ZBTB7C: variants seen among roughly 807,000 people sequenced by gnomAD.
The protein encoded by ZBTB7C is zinc finger and BTB domain-containing protein 7C.
A neutral mutation model predicts 25.7 loss-of-function variants in ZBTB7C; 8 were observed. That is an observed-to-expected ratio of 0.31 (90% CI 0.18 to 0.56). The LOEUF is 0.56. ZBTB7C is among the 20% of genes least tolerant of loss of function. The pLI is 0.91. For synonymous variants in ZBTB7C, 394 were observed against 369.0 expected (o/e 1.07, Z -0.78); for missense variants, 824 against 855.2 (o/e 0.96, Z 0.46).
At chr18:48,247,967 G>C (rs2043743588) in intron 2 of ZBTB7C, among the ~76,000 whole-genome samples, 1 of 152,160 alleles carries the variant, frequency 6.6e-6, no homozygotes, top group Non-Finnish European at 1.5e-5. Flanking sequence ...ATTGAATCAT[G>C]GGGGTGGTTC....
At chr18:48,083,126 A>C (rs1339391719) in intron 3 of ZBTB7C, among the ~76,000 whole-genome samples, 1 of 152,144 alleles carries the variant, frequency 6.6e-6, no homozygotes, top group Non-Finnish European at 1.5e-5. Context: ...ATTGAATAAT[A>C]CTTACTCTAA....
At position 48,040,609 on chromosome 18, in the gene ZBTB7C, C is replaced by T. The variant is rs753532957; in HGVS notation, c.499G>A (p.Asp167Asn). ...TCTTGGTCAGCAAAGTCCTCCGTGTCATCATCGTCATCCTCCTCCTCTTCC... is the reference window on the plus strand; with the variant it reads ...TCTTGGTCAGCAAAGTCCTCCGTGTTATCATCGTCATCCTCCTCCTCTTCC... ...EEEEEEDDDD[D>N]TEDFADQENL... The change falls in exon 4 of 5, where the codon GAC becomes AAC. Residue 167 changes from aspartate (D) to asparagine (N), a missense_variant. This residue lies in a region of ZBTB7C where 316 missense variants were observed against 299.2 expected (regional missense o/e 1.06). Coordinates refer to ENST00000590800, the MANE Select transcript of ZBTB7C (RefSeq NM_001318841.2). The T allele has an allele frequency of 8.1e-6, 13 of 1,613,606 alleles. No individual in the cohort carries two copies. The South Asian group carries it at 1.2e-4, about 15-fold the overall frequency.
chr18:48,087,552 G>A (rs1177344505), intron 3 of ZBTB7C: 5 of 152,086 alleles, frequency 3.3e-5, no homozygotes, highest in African/African-American at 9.7e-5. Context: ...GGGAGGCTGA[G>A]GCAGGAAAAA....
chr18:48,310,461 C>CA (rs1161503686), intron 2 of ZBTB7C, among the ~76,000 whole-genome samples: 2 of 151,722 alleles, frequency 1.3e-5, no homozygotes, highest in Admixed American at 6.6e-5. Flanking sequence ...CCAAGACTTC[C>CA]AAAAAAAGTC....
intron 3 of ZBTB7C, among the ~76,000 whole-genome samples, chr18:48,184,262 A>G (rs1471953133): frequency 6.6e-6 from 1 of 152,196 alleles, no homozygotes; most frequent in East Asian, 1.9e-4. Flanking sequence ...GCGCAGCACA[A>G]TGATGACTCT....
At chr18:48,218,456 C>T (rs2042876877) in intron 2 of ZBTB7C, among the ~76,000 whole-genome samples, 2 of 152,350 alleles carry the variant, frequency 1.3e-5, no homozygotes, top group Middle Eastern at 6.8e-3. Context: ...CTTCTATACA[C>T]ACTTGTGCAA....
At position 48,391,165 on chromosome 18, in the gene ZBTB7C, G is replaced by T. The variant is rs373360018; in HGVS notation, c.-304+18061C>A. On this transcript the variant is annotated intron_variant, in intron 1 of 4. Transcript: ENST00000590800. ...AGAAGTAAAACCATGGCATCTGGGT[G>T]ACCGCCGCCATGTGACGCAGCAGCC... 6.2e-4 allele frequency among the ~76,000 whole-genome samples: 95 copies of T among 152,328 alleles called. 2 individuals carry two copies. In the South Asian group the frequency reaches 0.019, roughly 30 times the overall value.
At chr18:48,306,611 T>C (rs2045679834) in intron 2 of ZBTB7C, among the ~76,000 whole-genome samples, 1 of 152,180 alleles carries the variant, frequency 6.6e-6, no homozygotes, top group African/African-American at 2.4e-5. Context: ...TAGAATTCCA[T>C]ATAGCTGTCA....
At chr18:48,206,387 T>A (rs2042576827) in intron 2 of ZBTB7C, among the ~76,000 whole-genome samples, 1 of 152,138 alleles carries the variant, frequency 6.6e-6, no homozygotes, top group Non-Finnish European at 1.5e-5. Flanking sequence ...GATAGCTATA[T>A]TAAAATAAAT....
intron 2 of ZBTB7C, among the ~76,000 whole-genome samples, chr18:48,260,195 G>C (rs1382780934): frequency 6.6e-6 from 1 of 152,178 alleles, no homozygotes; most frequent in Non-Finnish European, 1.5e-5. Flanking sequence ...GCAACAACTT[G>C]TATTAATCTC....
At chr18:48,393,286 C>T (rs952530848) in intron 1 of ZBTB7C, among the ~76,000 whole-genome samples, 2 of 134,362 alleles carry the variant, frequency 1.5e-5, no homozygotes, top group Non-Finnish European at 3.1e-5. Context: ...AGGCCTGCTC[C>T]AACCACCACA....
intron 1 of ZBTB7C, among the ~76,000 whole-genome samples, chr18:48,390,034 A>G (rs938724247): frequency 5.9e-5 from 9 of 152,204 alleles, no homozygotes; most frequent in African/African-American, 2.2e-4. Flanking sequence ...CCGGCCATCC[A>G]TATGAAGGGA....
At chr18:48,191,627 C>G (rs2042198638) in intron 2 of ZBTB7C, among the ~76,000 whole-genome samples, 1 of 152,138 alleles carries the variant, frequency 6.6e-6, no homozygotes, top group Non-Finnish European at 1.5e-5. Context: ...GACCACATTC[C>G]TGGAGAAAGT....
At chr18:48,329,873 A>T (rs1212027370) in intron 2 of ZBTB7C, among the ~76,000 whole-genome samples, 1 of 152,192 alleles carries the variant, frequency 6.6e-6, no homozygotes, top group Non-Finnish European at 1.5e-5. Flanking sequence ...CTGGATCAAG[A>T]ACTGTCCATG....
chr18:48,332,017 A>G (rs538464628), intron 2 of ZBTB7C, among the ~76,000 whole-genome samples: 1 of 152,318 alleles, frequency 6.6e-6, no homozygotes, highest in African/African-American at 2.4e-5. Flanking sequence ...TAACACTGTC[A>G]CAGCATTACA....
chr18:48,145,828 TC>T (rs1157353757), intron 3 of ZBTB7C, among the ~76,000 whole-genome samples: 1 of 152,222 alleles, frequency 6.6e-6, no homozygotes, highest in Non-Finnish European at 1.5e-5. Context: ...ATTTATAAAA[TC>T]TTTTACAAGA....
chr18:48,177,287 C>G (rs749886045), intron 3 of ZBTB7C, among the ~76,000 whole-genome samples: 8 of 152,168 alleles, frequency 5.3e-5, no homozygotes, highest in Admixed American at 1.3e-4. Context: ...CTGCTCTCTG[C>G]CTTGACCACT....
intron 3 of ZBTB7C, among the ~76,000 whole-genome samples, chr18:48,111,938 AG>A: frequency 6.6e-6 from 1 of 152,316 alleles, no homozygotes; most frequent in African/African-American, 2.4e-5. Context: ...TAAATAGTTA[AG>A]TATGTAAAAT....
At chr18:48,143,152 A>G (rs2040399861) in intron 3 of ZBTB7C, among the ~76,000 whole-genome samples, 1 of 152,144 alleles carries the variant, frequency 6.6e-6, no homozygotes, top group Non-Finnish European at 1.5e-5. Context: ...CTCAGGGGCC[A>G]GGAGCAGCAT....
Sources: allele counts gnomAD v4.1 joint callset (sites outside exome capture counted in the v4.1 genomes callset), GRCh38; gene constraint gnomAD v4.1.1; regional missense constraint gnomAD v4.1.1; transcripts MANE v1.5; gene names NCBI Gene and HGNC (gene_info 2026-07-23, HGNC 2026-07-21).